Variants in NSUN6 observed in about 807,000 individuals in gnomAD.
The protein encoded by NSUN6 is NOP2/Sun RNA methyltransferase 6.
NSUN6 carries 64 observed loss-of-function variants against 58.0 expected under a neutral mutation model. The ratio of observed to expected loss-of-function variants is 1.10; its 90% CI spans 0.90 to 1.36. NSUN6 has a LOEUF of 1.36. Ranked by LOEUF, NSUN6 falls within the 40% of genes most tolerant of loss-of-function variation. The pLI is 0.00. For synonymous variants in NSUN6, 231 were observed against 193.9 expected, an observed-to-expected ratio of 1.19 and a Z score of -1.59; for missense variants, 701 against 550.1, an observed-to-expected ratio of 1.27 and a Z score of -2.74.
chr10:18,566,954 T>C (rs995384060), intron 8 of NSUN6, among the ~76,000 whole-genome samples: 3 of 149,932 alleles, frequency 2.0e-5, no homozygotes, highest in African/African-American at 7.3e-5. Flanking sequence ...CCATTATATT[T>C]CATTCTATTC....
chr10:18,567,563 T>C (rs1056928260), intron 8 of NSUN6, among the ~76,000 whole-genome samples: 8 of 150,656 alleles, frequency 5.3e-5, no homozygotes, highest in Non-Finnish European at 1.2e-4. Context: ...CCATTCTCCA[T>C]TCCGTTCCAT....
intron 5 of NSUN6, among the ~76,000 whole-genome samples, chr10:18,611,695 A>AGT (rs1293127025): frequency 6.7e-6 from 1 of 150,198 alleles, no homozygotes; most frequent in African/African-American, 2.5e-5. Flanking sequence ...ATGCCAGGTA[A>AGT]GTGTGTGTGT....
At position 18,551,861 on chromosome 10, in the gene NSUN6, C is replaced by T. The variant is rs1457261766; in HGVS notation, c.1033G>A (p.Ala345Thr). The stretch of plus-strand genomic sequence containing the variant: ...TTTCGCTGTAATGGCTGATATGATG[C>T]CACTTCCTTCACAGACCAAGTACAG... ...MACTWSVKEV[A>T]SYQPLQRKLF... is the part of the protein sequence containing the mutation. The change falls in exon 9 of 11, where the codon GCA (alanine) becomes ACA (threonine). Residue 345 changes from alanine to threonine, a missense_variant. Ala to Thr is a moderately conservative substitution (Grantham distance 58, BLOSUM62 0). Coordinates refer to ENST00000377304, the MANE Select transcript of NSUN6 (RefSeq NM_182543.5). 1 of 1,613,492 alleles carries T rather than the reference C, an allele frequency of 6.2e-7. No homozygotes were observed. Among genetic ancestry groups the T allele is most frequent in the Non-Finnish European group, 8.5e-7 (1 of 1,179,594 alleles).
At chr10:18,577,435 G>A (rs944294209) in intron 8 of NSUN6, among the ~76,000 whole-genome samples, 2 of 152,084 alleles carry the variant, frequency 1.3e-5, no homozygotes, top group Non-Finnish European at 2.9e-5. Context: ...GCCGTAATGG[G>A]TGTACTTCTT....
chr10:18,553,544 G>A (rs907283803), intron 8 of NSUN6, among the ~76,000 whole-genome samples: 1 of 151,514 alleles, frequency 6.6e-6, no homozygotes, highest in African/African-American at 2.4e-5. Context: ...GGAATGAAAG[G>A]GAGGATGGAA....
intron 2 of NSUN6, among the ~76,000 whole-genome samples, chr10:18,643,927 A>G (rs1474215253): frequency 1.3e-5 from 2 of 152,194 alleles, no homozygotes; most frequent in Admixed American, 6.6e-5. Context: ...ACACATGTAC[A>G]TACCCTTCAT....
intron 3 of NSUN6, among the ~76,000 whole-genome samples, chr10:18,619,472 GAAGA>G (rs1441956683): frequency 6.6e-6 from 1 of 152,090 alleles, no homozygotes; most frequent in African/African-American, 2.4e-5. Context: ...CCTAAATTTA[GAAGA>G]AAGACCACCT....
chr10:18,657,161 G>T (rs761064752), upstream of NSUN6, among the ~76,000 whole-genome samples: 1 of 151,998 alleles, frequency 6.6e-6, no homozygotes, highest in South Asian at 2.1e-4. Context: ...CTAACAGATC[G>T]ATAGGTACAT....
chr10:18,640,252 C>T (rs1004744321), intron 3 of NSUN6, among the ~76,000 whole-genome samples: 3 of 152,000 alleles, frequency 2.0e-5, no homozygotes, highest in Non-Finnish European at 4.4e-5. Context: ...AGCACAGAGA[C>T]GGTCTATAAA....
intron 8 of NSUN6, among the ~76,000 whole-genome samples, chr10:18,558,465 A>C (rs1479903524): frequency 1.3e-5 from 2 of 151,270 alleles, no homozygotes; most frequent in East Asian, 1.9e-4. Context: ...TAGAATGGAG[A>C]AGGGAATGGA....
chr10:18,593,433 A>T (rs1177079262), intron 7 of NSUN6, among the ~76,000 whole-genome samples: 1 of 152,230 alleles, frequency 6.6e-6, no homozygotes, highest in Non-Finnish European at 1.5e-5. Flanking sequence ...CACTATTTAC[A>T]ATAGCAAAGA....
chr10:18,635,698 T>G (rs933528686), intron 3 of NSUN6, among the ~76,000 whole-genome samples: 11 of 151,160 alleles, frequency 7.3e-5, no homozygotes, highest in Non-Finnish European at 1.5e-4. Context: ...ATTAGCCAGG[T>G]ATGGTGGTGG....
rs185081832 is a variant in NSUN6 at position 18,628,503 on chromosome 10, T to C, written c.312-12210A>G. 3.3e-5 allele frequency among the ~76,000 whole-genome samples: 5 copies of C among 152,134 alleles called. No individual in the cohort carries two copies. The East Asian group carries it at 5.8e-4, about 18-fold the overall frequency. On this transcript the variant is annotated intron_variant, in intron 3 of 10. Transcript: ENST00000377304. ...ACCAAAGGCATTGAAGTTGAAAACT[T>C]TGAAAAAAGTTTAGAAGAATCTATA...
At chr10:18,567,920 TTTCCATTCCATTCTCCA>T (rs1564732334) in intron 8 of NSUN6, among the ~76,000 whole-genome samples, 1 of 149,620 alleles carries the variant, frequency 6.7e-6, no homozygotes, top group Non-Finnish European at 1.5e-5. Context: ...TCCATTCCAT[TTTCCATTCCATTCTCCA>T]TTCCATTCCA....
chr10:18,628,939 AG>A (rs2058927820), intron 3 of NSUN6, among the ~76,000 whole-genome samples: 2 of 152,178 alleles, frequency 1.3e-5, no homozygotes, highest in African/African-American at 4.8e-5. Context: ...AGCAACTCCA[AG>A]ACACATAATT....
At chr10:18,607,956 G>A (rs1169020208) in intron 6 of NSUN6, among the ~76,000 whole-genome samples, 3 of 152,164 alleles carry the variant, frequency 2.0e-5, no homozygotes, top group African/African-American at 7.2e-5. Context: ...AAAACACTCA[G>A]CTCAGTACAT....
chr10:18,566,556 C>T (rs939490084), intron 8 of NSUN6, among the ~76,000 whole-genome samples: 1 of 147,890 alleles, frequency 6.8e-6, no homozygotes, highest in Non-Finnish European at 1.5e-5. Context: ...ATTCCATTCT[C>T]CATTCCATTC....
intron 7 of NSUN6, among the ~76,000 whole-genome samples, chr10:18,591,592 A>G (rs2057379224): frequency 6.6e-6 from 1 of 152,206 alleles, no homozygotes; most frequent in African/African-American, 2.4e-5. Context: ...AACGTAATCC[A>G]TCACATAAAC....
rs1406392829 is a variant in NSUN6 at position 18,591,320 on chromosome 10, A to C, written c.777+4888T>G. ...ACCAGAGGTACAAAGAGGAGCTGGC[A>C]CCATTCCTTCTGAAATGATTCCAAA... is the stretch of plus-strand genomic sequence containing the variant. On this transcript the variant is annotated intron_variant, in intron 7 of 10. Coordinates refer to ENST00000377304, the MANE Select transcript of NSUN6 (RefSeq NM_182543.5). Among the ~76,000 whole-genome samples, 3 of 152,222 alleles carry C rather than the reference A, an allele frequency of 2.0e-5. No homozygotes were observed. The East Asian group carries it at 5.8e-4, about 29-fold the overall frequency.
Sources: allele counts gnomAD v4.1 joint callset (sites outside exome capture counted in the v4.1 genomes callset), GRCh38; gene constraint gnomAD v4.1.1; transcripts MANE v1.5; gene names NCBI Gene and HGNC (gene_info 2026-07-23, HGNC 2026-07-21).